The following NKAIN2 variants were observed in gnomAD, a reference collection of about 807,000 sequenced individuals.
The protein encoded by NKAIN2 is sodium/potassium transporting ATPase interacting 2.
In NKAIN2, 14 loss-of-function variants were observed where a neutral mutation model predicts 32.6. The ratio of observed to expected loss-of-function variants is 0.43; its 90% CI spans 0.28 to 0.67. The LOEUF is 0.67. Among genes scored for constraint, NKAIN2 ranks in the 30% least tolerant of loss-of-function variants. NKAIN2 has a pLI of 0.17. For synonymous variants in NKAIN2, 80 were observed against 87.2 expected (o/e 0.92, Z 0.46); for missense variants, 198 against 258.3 (o/e 0.77, Z 1.60).
chr6:123,979,683 C>T (rs1778804244), intron 1 of NKAIN2, among the ~76,000 whole-genome samples: 1 of 152,172 alleles, frequency 6.6e-6, no homozygotes, highest in Admixed American at 6.5e-5. Flanking sequence ...ATGTGTACTT[C>T]ATATCAAGTT....
chr6:124,795,209 G>A (rs1485790802), intron 5 of NKAIN2, among the ~76,000 whole-genome samples: 1 of 152,172 alleles, frequency 6.6e-6, no homozygotes, highest in Non-Finnish European at 1.5e-5. Context: ...CTTGTGCTTA[G>A]AATGGCTGTG....
chr6:123,900,429 C>T (rs1038917861), intron 1 of NKAIN2, among the ~76,000 whole-genome samples: 18 of 151,088 alleles, frequency 1.2e-4, no homozygotes, highest in Admixed American at 1.1e-3. Flanking sequence ...GCCAAGATCG[C>T]GCCACTCTAC....
chr6:124,210,755 T>C (rs1233095782), intron 1 of NKAIN2, among the ~76,000 whole-genome samples: 1 of 151,728 alleles, frequency 6.6e-6, no homozygotes, highest in East Asian at 1.9e-4. Flanking sequence ...TGACCACTGC[T>C]GGCATATAGA....
chr6:123,968,300 A>C (rs1778187534), intron 1 of NKAIN2, among the ~76,000 whole-genome samples: 2 of 149,068 alleles, frequency 1.3e-5, no homozygotes, highest in African/African-American at 5.2e-5. Flanking sequence ...TCAATTAATC[A>C]CATGTCCAAA....
intron 1 of NKAIN2, among the ~76,000 whole-genome samples, chr6:123,967,914 G>A (rs1024613966): frequency 3.3e-5 from 5 of 152,034 alleles, no homozygotes; most frequent in Non-Finnish European, 7.4e-5. Flanking sequence ...TTAACTAATC[G>A]TGCCTATAAA....
intron 1 of NKAIN2, among the ~76,000 whole-genome samples, chr6:124,163,120 ATAGTTGATATTCAGTATGTATTAATC>A (rs1160135258): frequency 1.3e-5 from 2 of 152,080 alleles, no homozygotes; most frequent in African/African-American, 2.4e-5. Context: ...TCAGTATCAC[ATAGTTGATATTCAGTATGTATTAATC>A]TATGTGAATT....
Position 124,063,205 on chromosome 6 carries a change from A to G in NKAIN2, c.55-219800A>G, listed in dbSNP as rs117842320. Among the ~76,000 whole-genome samples, 818 of 151,970 alleles carry G rather than the reference A, an allele frequency of 5.4e-3. 7 individuals carry two copies. The highest frequency in any genetic ancestry group is 9.3e-3 in the Non-Finnish European group (629 of 67,956). The stretch of plus-strand genomic sequence containing the variant: ...ATCTCAAAAAAAAAATTATATATAT[A>G]TATCTATCTGGTATTATTCTCATTA... On this transcript the variant is annotated intron_variant, in intron 1 of 6. Transcript: ENST00000368417.
chr6:124,128,523 T>G (rs1215131073), intron 1 of NKAIN2, among the ~76,000 whole-genome samples: 3 of 152,182 alleles, frequency 2.0e-5, no homozygotes, highest in Non-Finnish European at 4.4e-5. Context: ...ATATTAACTA[T>G]TTGAATTTCC....
intron 2 of NKAIN2, among the ~76,000 whole-genome samples, chr6:124,332,847 A>C (rs1450165961): frequency 1.3e-5 from 2 of 152,208 alleles, no homozygotes; most frequent in Non-Finnish European, 2.9e-5. Flanking sequence ...TCCAGAAAAA[A>C]ATAACAATAA....
chr6:124,374,141 A>G (rs2114339528), intron 3 of NKAIN2, among the ~76,000 whole-genome samples: 1 of 152,250 alleles, frequency 6.6e-6, no homozygotes, highest in East Asian at 1.9e-4. Context: ...GAAAAGGGAC[A>G]GTGAATCTGC....
At chr6:124,805,730 A>G (rs1253707075) in intron 5 of NKAIN2, among the ~76,000 whole-genome samples, 2 of 152,200 alleles carry the variant, frequency 1.3e-5, no homozygotes, top group Admixed American at 6.5e-5. Flanking sequence ...CAAAGAAGTT[A>G]AAAACATTGA....
rs1772968860 is a variant in NKAIN2, at chr6:124,387,707, T to C, written c.273+32360T>C. 2.0e-5 allele frequency among the ~76,000 whole-genome samples: 3 copies of C among 152,080 alleles called. No individual in the cohort carries two copies. In the South Asian group the frequency reaches 6.2e-4, roughly 31 times the overall value. ...TAATCTATACAAATCAGAATAAGAA[T>C]ACCTATTTTTCGCCTTTTAAAGATG... On this transcript the variant is annotated intron_variant, in intron 3 of 6. Coordinates refer to ENST00000368417, the MANE Select transcript of NKAIN2 (RefSeq NM_001040214.3).
intron 1 of NKAIN2, among the ~76,000 whole-genome samples, chr6:124,080,679 G>T (rs2114905357): frequency 6.6e-6 from 1 of 152,022 alleles, no homozygotes; most frequent in South Asian, 2.1e-4. Flanking sequence ...TAACTTTATG[G>T]CCCTCCCTGA....
At chr6:124,530,630 G>A (rs556616117) in intron 3 of NKAIN2, among the ~76,000 whole-genome samples, 60 of 152,276 alleles carry the variant, frequency 3.9e-4, no homozygotes, top group African/African-American at 1.3e-3. Flanking sequence ...GGTTATGAAG[G>A]TCAAGTCCCA....
intron 1 of NKAIN2, among the ~76,000 whole-genome samples, chr6:123,902,979 G>A (rs1774677422): frequency 6.6e-6 from 1 of 152,126 alleles, no homozygotes; most frequent in Non-Finnish European, 1.5e-5. Context: ...ATTATTGGTG[G>A]GAACTATTGA....
intron 1 of NKAIN2, among the ~76,000 whole-genome samples, chr6:124,157,268 TAC>T (rs869207926): frequency 2.5e-3 from 220 of 89,544 alleles, no homozygotes; most frequent in African/African-American, 8.6e-3. Flanking sequence ...CACACACACA[TAC>T]ACACACACAC....
intron 1 of NKAIN2, among the ~76,000 whole-genome samples, chr6:123,997,324 A>G (rs7754696): frequency 1.1e-3 from 172 of 152,270 alleles, no homozygotes; most frequent in African/African-American, 4.1e-3. Flanking sequence ...GTTTTATTTA[A>G]TTCATTGCTA....
At chr6:124,773,071 C>T (rs767650008) in intron 4 of NKAIN2, among the ~76,000 whole-genome samples, 1 of 152,132 alleles carries the variant, frequency 6.6e-6, no homozygotes, top group Non-Finnish European at 1.5e-5. Flanking sequence ...AACTGCAAGA[C>T]CCCAGAGGCT....
intron 1 of NKAIN2, among the ~76,000 whole-genome samples, chr6:123,909,855 C>T (rs1444323014): frequency 6.6e-6 from 1 of 152,134 alleles, no homozygotes; most frequent in African/African-American, 2.4e-5. Flanking sequence ...GTATCCACAA[C>T]CATTTGCACA....
Sources: gnomAD v4.1 joint callset for allele counts (sites outside exome capture counted in the v4.1 genomes callset) on GRCh38, gnomAD v4.1.1 for gene constraint, MANE v1.5 for transcripts, NCBI Gene and HGNC (gene_info 2026-07-23, HGNC 2026-07-21) for gene names.